The following MSN variants were observed in gnomAD, a reference collection of about 807,000 sequenced individuals.
The protein encoded by MSN is epididymis luminal protein 70.
In MSN, 2 loss-of-function variants were observed where a neutral mutation model predicts 48.0. The observed-to-expected ratio is 0.04, with a 90% CI of 0.02 to 0.13. The LOEUF is 0.13. Among genes scored for constraint, MSN ranks in the 10% least tolerant of loss-of-function variants. The probability of loss-of-function intolerance (pLI) is 1.00; values close to 1 mark genes in which losing one functional copy is unlikely to be tolerated. For synonymous variants in MSN, 146 were observed against 166.9 expected, an observed-to-expected ratio of 0.87 and a Z score of 0.97; for missense variants, 267 against 470.1, an observed-to-expected ratio of 0.57 and a Z score of 3.99.
chrX:65,642,937 A>T lies in MSN; in HGVS notation c.-22+54325A>T, dbSNP rs538102487. Among the ~76,000 whole-genome samples, 8 of 110,052 alleles carry T rather than the reference A, an allele frequency of 7.3e-5. No homozygotes were observed. The East Asian group carries it at 2.3e-3, about 32-fold the overall frequency. On this transcript the variant is annotated intron_variant, in intron 1 of 3. Coordinates refer to the MSN transcript ENST00000609672. ...CAAAGGCCAGTCAGCTTAGCTTCCCACCCCTATCCCCTCAGAGAGATCTCC... is the reference window on the plus strand; with the variant it reads ...CAAAGGCCAGTCAGCTTAGCTTCCCTCCCCTATCCCCTCAGAGAGATCTCC...
intron 1 of MSN, among the ~76,000 whole-genome samples, chrX:65,609,572 A>G (rs1409739707): frequency 9.0e-6 from 1 of 111,579 alleles, no homozygotes; most frequent in Non-Finnish European, 1.9e-5. Context: ...CAGGGCCATA[A>G]CAGTATTAAG....
At chrX:65,618,012 C>T (rs190099514) in intron 1 of MSN, among the ~76,000 whole-genome samples, 6,015 of 108,614 alleles carry the variant, frequency 0.055, 180 homozygotes, top group Non-Finnish European at 0.09. Context: ...TGTAGTTGAG[C>T]GGTATTGAGT....
intron 1 of MSN, among the ~76,000 whole-genome samples, chrX:65,705,808 C>T (rs2071356531): frequency 9.0e-6 from 1 of 111,674 alleles, no homozygotes; most frequent in Admixed American, 9.5e-5. Context: ...TGGGTCAAAA[C>T]AAATGAAAGG....
chrX:65,641,585 TATATATATATATATA>T (rs2070653116), intron 1 of MSN, among the ~76,000 whole-genome samples: 1 of 72,470 alleles, frequency 1.4e-5, no homozygotes, highest in Non-Finnish European at 2.6e-5. Context: ...TATATATATA[TATATATATATATATA>T]TTTTAGCATA....
rs189283990 is a variant in MSN at position 65,678,444 on chromosome X, G to A, written c.12+10591G>A. Among the ~76,000 whole-genome samples, 7 of 111,765 alleles carry A rather than the reference G, an allele frequency of 6.3e-5. No individual in the cohort carries two copies. In the East Asian group the frequency reaches 2.0e-3, roughly 32 times the overall value. On this transcript the variant is annotated intron_variant, in intron 1 of 12. Transcript: ENST00000360270. ...TACCTAGATCTCTGACAGCCTAGGA[G>A]TGGTCTCGATTGGCCTAAAGAGGTT...
chrX:65,701,324 G>A (rs138018750), intron 1 of MSN, among the ~76,000 whole-genome samples: 151 of 111,544 alleles, frequency 1.4e-3, no homozygotes, highest in African/African-American at 4.7e-3. Context: ...TGCACTTAGC[G>A]TTCTGATTGT....
At chrX:65,595,343 C>T (rs1362833366) in intron 1 of MSN, among the ~76,000 whole-genome samples, 1 of 112,183 alleles carries the variant, frequency 8.9e-6, no homozygotes, top group African/African-American at 3.2e-5. Context: ...TTACTCACTT[C>T]GCCCATGGCA....
chrX:65,613,106 A>G (rs776251884), intron 1 of MSN, among the ~76,000 whole-genome samples: 3 of 110,803 alleles, frequency 2.7e-5, no homozygotes, highest in African/African-American at 9.8e-5. Flanking sequence ...ATTCCCACTT[A>G]TGAGTGAGAA....
intron 1 of MSN, among the ~76,000 whole-genome samples, chrX:65,647,342 G>C (rs1414797264): frequency 9.1e-6 from 1 of 109,477 alleles, no homozygotes; most frequent in African/African-American, 3.3e-5. Flanking sequence ...CTCCCAAGCA[G>C]CTGGGATTAC....
intron 1 of MSN, among the ~76,000 whole-genome samples, chrX:65,708,931 T>C (rs1447390715): frequency 8.9e-6 from 1 of 111,752 alleles, no homozygotes; most frequent in Admixed American, 9.5e-5. Flanking sequence ...GATCTGCCCA[T>C]CTCAGCCACC....
rs1218915738 is a variant in MSN, at chrX:65,736,831, G to T, written c.996G>T (p.Met332Ile). Residue 332 changes from methionine (M) to isoleucine (I), a missense_variant, in exon 9 of 13, where the codon ATG (methionine) becomes ATT (isoleucine). Coordinates refer to ENST00000360270, the MANE Select transcript of MSN (RefSeq NM_002444.3). ...AAAATGAGAAGAAGAAGCGTGAAAT[G>T]GCAGAGAAGGAGAAAGAGAAGATTG... is the stretch of plus-strand genomic sequence containing the variant. ...MLENEKKKRE[M>I]AEKEKEKIER... 3 of 1,170,385 alleles carry T rather than the reference G, an allele frequency of 2.6e-6. No homozygotes were observed. The South Asian group carries it at 5.7e-5, about 22-fold the overall frequency.
intron 1 of MSN, among the ~76,000 whole-genome samples, chrX:65,694,064 C>CA (rs1424642127): frequency 3.5e-3 from 360 of 101,824 alleles, no homozygotes; most frequent in African/African-American, 0.013. Flanking sequence ...AACAAACACA[C>CA]AAACAAAAAA....
chrX:65,600,365 G>A (rs2070224855), intron 1 of MSN, among the ~76,000 whole-genome samples: 1 of 111,719 alleles, frequency 9.0e-6, no homozygotes, highest in African/African-American at 3.3e-5. Context: ...CTCTGTGCGT[G>A]TTTCACCTAA....
At chrX:65,642,495 C>T (rs1371842844) in intron 1 of MSN, among the ~76,000 whole-genome samples, 2 of 111,093 alleles carry the variant, frequency 1.8e-5, no homozygotes, top group African/African-American at 3.3e-5. Context: ...CAAAGCGACA[C>T]AAGTCATAGA....
At chrX:65,608,597 G>A (rs1453520924) in intron 1 of MSN, among the ~76,000 whole-genome samples, 1 of 110,987 alleles carries the variant, frequency 9.0e-6, no homozygotes, top group Non-Finnish European at 1.9e-5. Flanking sequence ...GATTTTATAT[G>A]TGAGACATGT....
chrX:65,608,018 G>T (rs1458218036), intron 1 of MSN, among the ~76,000 whole-genome samples: 1 of 111,889 alleles, frequency 8.9e-6, no homozygotes, highest in African/African-American at 3.2e-5. Flanking sequence ...GGGTGCAAGG[G>T]CAGGTGGAAA....
At chrX:65,609,925 G>T (rs1295438686) in intron 1 of MSN, among the ~76,000 whole-genome samples, 1 of 111,042 alleles carries the variant, frequency 9.0e-6, no homozygotes, top group African/African-American at 3.3e-5. Context: ...TTGTGTGTAT[G>T]TTGTCTGTCT....
chrX:65,705,867 A>C (rs1448195191), intron 1 of MSN, among the ~76,000 whole-genome samples: 1 of 111,849 alleles, frequency 8.9e-6, no homozygotes, highest in African/African-American at 3.3e-5. Flanking sequence ...GGTTGAAGAA[A>C]TACTGCTAAC....
At chrX:65,654,002 C>T (rs1225024869) in intron 1 of MSN, among the ~76,000 whole-genome samples, 1 of 110,177 alleles carries the variant, frequency 9.1e-6, no homozygotes, top group Non-Finnish European at 1.9e-5. Flanking sequence ...TCTTGAACTC[C>T]TGACCTCAGG....
Sources: allele counts gnomAD v4.1 joint callset (sites outside exome capture counted in the v4.1 genomes callset), GRCh38; gene constraint gnomAD v4.1.1; transcripts MANE v1.5; gene names NCBI Gene and HGNC (gene_info 2026-07-23, HGNC 2026-07-21).